Variants in A2ML1 observed in about 807,000 individuals in gnomAD.
The protein encoded by A2ML1 is alpha-2-macroglobulin-like protein 1.
In A2ML1, 161 loss-of-function variants were observed where a neutral mutation model predicts 181.9. The observed-to-expected ratio is 0.89, with a 90% CI of 0.78 to 1.01. The LOEUF (loss-of-function observed/expected upper bound fraction) is 1.01, where lower values mean the gene tolerates loss of function less well. A2ML1 is among the 50% of genes least tolerant of loss of function. The pLI, the probability that A2ML1 is intolerant of heterozygous loss-of-function variation, is 0.00. For missense variants in A2ML1, 1,670 were observed against 1,768.1 expected, an observed-to-expected ratio of 0.94 and a Z score of 1.00; for synonymous variants, 663 against 666.8, an observed-to-expected ratio of 0.99 and a Z score of 0.09.
chr12:8,869,751 G>A (rs1266968300), intron 33 of A2ML1, among the ~76,000 whole-genome samples: 1 of 152,154 alleles, frequency 6.6e-6, no homozygotes, highest in East Asian at 1.9e-4. Flanking sequence ...TGCCTGGGCT[G>A]TGATCTTGGT....
At chr12:8,880,161 C>T (rs192426587), downstream of A2ML1, among the ~76,000 whole-genome samples, 5 of 152,200 alleles carry the variant, frequency 3.3e-5, no homozygotes, top group South Asian at 4.2e-4. Flanking sequence ...ATCAGGAGTT[C>T]GAGACCAGCC....
At chr12:8,844,010 G>A (rs539772575) in intron 12 of A2ML1, among the ~76,000 whole-genome samples, 57 of 152,060 alleles carry the variant, frequency 3.7e-4, no homozygotes, top group African/African-American at 1.2e-3. Context: ...ATGAGCCACC[G>A]CGCCCGGCCT....
intron 26 of A2ML1, among the ~76,000 whole-genome samples, chr12:8,859,168 C>A (rs965790746): frequency 8.6e-5 from 13 of 151,750 alleles, no homozygotes; most frequent in Non-Finnish European, 1.6e-4. Context: ...GAGGGCGAGG[C>A]GTAGATCCTG....
chr12:8,838,988 G>A (rs887930726), intron 9 of A2ML1, 125 bp from the exon 10 acceptor site: 3 of 589,100 alleles, frequency 5.1e-6, no homozygotes, highest in Non-Finnish European at 8.7e-6. Context: ...GGTTGGTTTG[G>A]ATCTTTGGCC....
chr12:8,864,297 G>A (rs1269833871), intron 29 of A2ML1, among the ~76,000 whole-genome samples: 1 of 41,876 alleles, frequency 2.4e-5, no homozygotes, highest in Admixed American at 3.3e-4. Context: ...CGGATCACCT[G>A]AGGTCAGGAG....
chr12:8,823,080 G>A (rs1234546160), intron 1 of A2ML1, 102 bp from the exon 2 acceptor site: 3 of 1,177,488 alleles, frequency 2.5e-6, no homozygotes, highest in Non-Finnish European at 3.6e-6. Context: ...CAGGGGCTTG[G>A]TCTGTCTAAT....
In A2ML1 at chr12:8,839,218, G is replaced by A. The variant is rs369856839; in HGVS notation, c.1076G>A (p.Gly359Glu). 1.2e-6 allele frequency: 2 copies of A among 1,611,376 alleles called. No individual in the cohort carries two copies. Among genetic ancestry groups the A allele is most frequent in the African/African-American group, 1.3e-5 (1 of 74,820 alleles). ...TACCATCCAAATTTCCCCTTCAGTG[G>A]GAAGGTATGTTAAAACTTTTCTCTG... Reference protein sequence around the residue: ...NFYHPNFPFSGKIRVRGHDDS... With the variant: ...NFYHPNFPFSEKIRVRGHDDS... The change falls in exon 10 of 36, where the codon GGG becomes GAG. Residue 359 changes from glycine (G) to glutamate (E), a missense_variant. Transcript: ENST00000299698.
chr12:8,837,464 A>G lies in A2ML1; in HGVS notation c.753A>G (p.Leu251=), dbSNP rs1943320224. The G allele has an allele frequency of 1.2e-6, 2 of 1,614,042 alleles. No individual in the cohort carries two copies. The highest frequency in any genetic ancestry group is 4.5e-5 in the East Asian group (2 of 44,876). ...GGTACACCTATGGAAAGCCCATGCT[A>G]GGGGCAGTGCAGGTATCTGTGTGTC... ...CCRYTYGKPM[L]GAVQVSVCQK... The change falls in exon 8 of 36, where the codon CTA becomes CTG. Residue 251 remains leucine, a synonymous_variant. Transcript: ENST00000299698.
rs142841081 is a variant in A2ML1, at chr12:8,833,104, G to C, written c.463-1558G>C. ...TTCTCCCGCCTCAGCCTCCCAAGTA[G>C]TTGGGTTTACAGGAATGTACCACCA... On this transcript the variant is annotated intron_variant, in intron 4 of 35. Coordinates refer to ENST00000299698, the MANE Select transcript of A2ML1 (RefSeq NM_144670.6). 5.4e-4 allele frequency among the ~76,000 whole-genome samples: 82 copies of C among 151,278 alleles called. 1 individual carries two copies. In the East Asian group the frequency reaches 0.015, roughly 28 times the overall value.
At chr12:8,856,998 G>A (rs956385104) in intron 23 of A2ML1, among the ~76,000 whole-genome samples, 166 bp from the exon 24 acceptor site, 3 of 149,498 alleles carry the variant, frequency 2.0e-5, no homozygotes, top group South Asian at 4.2e-4. Context: ...CACCCTCCTC[G>A]GCCTCCCATA....
intron 18 of A2ML1, 49 bp downstream of exon 18, chr12:8,850,323 G>A (rs778036280): frequency 3.2e-5 from 46 of 1,452,378 alleles, no homozygotes; most frequent in South Asian, 3.0e-4. Flanking sequence ...CATGGCTCAC[G>A]CCTGTAATCC....
At chr12:8,826,046 T>C (rs1942919189) in intron 3 of A2ML1, among the ~76,000 whole-genome samples, 1 of 152,246 alleles carries the variant, frequency 6.6e-6, no homozygotes, top group African/African-American at 2.4e-5. Context: ...TTGTTCTTTT[T>C]GTTCAGAATA....
intron 7 of A2ML1, among the ~76,000 whole-genome samples, chr12:8,884,573 G>A (rs149479546): frequency 0.017 from 2,561 of 152,086 alleles, 77 homozygotes; most frequent in African/African-American, 0.058. Flanking sequence ...GTCTCACTCT[G>A]TTGCCCAAGC....
chr12:8,868,001 A>T lies in A2ML1; in HGVS notation c.3877A>T (p.Asn1293Tyr). 6.2e-7 allele frequency: 1 copy of T among 1,614,228 alleles called. No individual in the cohort carries two copies. The highest frequency in any genetic ancestry group is 8.5e-7 in the Non-Finnish European group (1 of 1,180,046). Residue 1293 changes from asparagine (N) to tyrosine (Y), a missense_variant, in exon 30 of 36, where the codon AAT (asparagine) becomes TAT (tyrosine). Transcript: ENST00000299698. Reference protein sequence around the residue: ...RLVFQQDTLPNVPGMYTLEAS... With the variant: ...RLVFQQDTLPYVPGMYTLEAS... The stretch of plus-strand genomic sequence containing the variant: ...GGTATTTCAGCAGGATACCCTGCCC[A>T]ATGTCCCTGGAATGTACACGTTGGA...
At chr12:8,855,661 G>A in intron 23 of A2ML1, 69 bp downstream of exon 23, 1 of 1,481,134 alleles carries the variant, frequency 6.8e-7, no homozygotes, top group South Asian at 1.1e-5. Flanking sequence ...GTGGAGTGGG[G>A]CGGGACATAC....
chr12:8,826,924 C>T (rs777415743), intron 3 of A2ML1, among the ~76,000 whole-genome samples: 4 of 152,094 alleles, frequency 2.6e-5, no homozygotes, highest in Admixed American at 6.6e-5. Context: ...TGTCTTCTTG[C>T]ACTTTTAGGA....
chr12:8,880,030 T>C (rs1592168716), downstream of A2ML1, among the ~76,000 whole-genome samples: 1 of 152,148 alleles, frequency 6.6e-6, no homozygotes, highest in Non-Finnish European at 1.5e-5. Flanking sequence ...TTAACAGTTA[T>C]AATACAGTGT....
chr12:8,834,902 C>T (rs1212286772), intron 5 of A2ML1: 2 of 583,606 alleles, frequency 3.4e-6, no homozygotes, highest in Admixed American at 6.4e-5. Context: ...GGACACCAGC[C>T]TCTGTAATGA....
At chr12:8,823,563 G>A in intron 2 of A2ML1, 157 bp from the exon 3 acceptor site, 2 of 1,079,320 alleles carry the variant, frequency 1.9e-6, no homozygotes, top group Non-Finnish European at 2.7e-6. Context: ...TTTAGTTCCT[G>A]ACCTTAATTC....
Sources: gnomAD v4.1 joint callset for allele counts (sites outside exome capture counted in the v4.1 genomes callset) on GRCh38, gnomAD v4.1.1 for gene constraint, MANE v1.5 for transcripts, NCBI Gene and HGNC (gene_info 2026-07-23, HGNC 2026-07-21) for gene names.